FBXL7: variants seen among roughly 807,000 people sequenced by gnomAD.
FBXL7 encodes F-box/LRR-repeat protein 7.
FBXL7 carries 12 observed loss-of-function variants against 38.3 expected under a neutral mutation model. That is an observed-to-expected ratio of 0.31 (90% CI 0.20 to 0.51). The LOEUF (loss-of-function observed/expected upper bound fraction) is 0.51, where lower values mean the gene tolerates loss of function less well. FBXL7 is among the 20% of genes least tolerant of loss of function. The pLI is 0.98. For missense variants in FBXL7, 567 were observed against 676.4 expected, an observed-to-expected ratio of 0.84 and a Z score of 1.79; for synonymous variants, 297 against 300.9, an observed-to-expected ratio of 0.99 and a Z score of 0.13.
At chr5:15,787,605 G>C (rs554785753) in intron 2 of FBXL7, among the ~76,000 whole-genome samples, 1 of 152,312 alleles carries the variant, frequency 6.6e-6, no homozygotes, top group African/African-American at 2.4e-5. Context: ...CAGTCAAATA[G>C]AGAGGTACTC....
intron 1 of FBXL7, among the ~76,000 whole-genome samples, chr5:15,564,525 A>G (rs1256950525): frequency 6.6e-6 from 1 of 152,042 alleles, no homozygotes; most frequent in Non-Finnish European, 1.5e-5. Flanking sequence ...TTTTAAGTAG[A>G]TATACACGCC....
intron 2 of FBXL7, among the ~76,000 whole-genome samples, chr5:15,747,080 C>A (rs1736035779): frequency 6.6e-6 from 1 of 151,968 alleles, no homozygotes; most frequent in African/African-American, 2.4e-5. Flanking sequence ...GGAAAAGGGA[C>A]CCTGAGCCAC....
At chr5:15,539,369 G>T (rs1451484352) in intron 1 of FBXL7, among the ~76,000 whole-genome samples, 1 of 152,206 alleles carries the variant, frequency 6.6e-6, no homozygotes, top group Non-Finnish European at 1.5e-5. Flanking sequence ...GGTTGAGGAT[G>T]CTGGAAAATC....
At chr5:15,559,520 G>A (rs1738349563) in intron 1 of FBXL7, among the ~76,000 whole-genome samples, 2 of 152,220 alleles carry the variant, frequency 1.3e-5, no homozygotes, top group South Asian at 2.1e-4. Context: ...GACTTGCCCC[G>A]AGTATTATTC....
chr5:15,749,043 G>C (rs1736086303), intron 2 of FBXL7, among the ~76,000 whole-genome samples: 1 of 151,970 alleles, frequency 6.6e-6, no homozygotes, highest in Non-Finnish European at 1.5e-5. Context: ...TCAGGAGTTA[G>C]AGACCAGCCT....
intron 2 of FBXL7, among the ~76,000 whole-genome samples, chr5:15,630,853 A>AT (rs35242245): frequency 1.2e-3 from 181 of 149,568 alleles, no homozygotes; most frequent in African/African-American, 3.4e-3. Flanking sequence ...AAATTTTGAG[A>AT]TTTTTTTTTT....
At chr5:15,613,553 C>G (rs1561052034) in intron 1 of FBXL7, among the ~76,000 whole-genome samples, 1 of 152,102 alleles carries the variant, frequency 6.6e-6, no homozygotes, top group African/African-American at 2.4e-5. Flanking sequence ...TCCCAATGAG[C>G]AATGGGTGAT....
chr5:15,623,298 C>T (rs1446000644), intron 2 of FBXL7, among the ~76,000 whole-genome samples: 1 of 152,170 alleles, frequency 6.6e-6, no homozygotes, highest in East Asian at 1.9e-4. Context: ...AGCTGGTTAC[C>T]TAGGGTTGGA....
intron 1 of FBXL7, among the ~76,000 whole-genome samples, chr5:15,569,861 T>C (rs1343008250): frequency 2.0e-5 from 3 of 152,250 alleles, no homozygotes; most frequent in African/African-American, 7.2e-5. Context: ...ATGGTTTTTG[T>C]CGTTGGTTCT....
intron 2 of FBXL7, among the ~76,000 whole-genome samples, chr5:15,685,674 T>A (rs957504740): frequency 2.0e-5 from 3 of 152,216 alleles, no homozygotes; most frequent in Non-Finnish European, 4.4e-5. Context: ...TTACCATGTG[T>A]ATAACTTTAT....
chr5:15,677,870 C>T (rs1190514624), intron 2 of FBXL7, among the ~76,000 whole-genome samples: 4 of 152,056 alleles, frequency 2.6e-5, no homozygotes, highest in African/African-American at 9.7e-5. Flanking sequence ...CTGATTATTA[C>T]CCTAACCCCT....
intron 1 of FBXL7, among the ~76,000 whole-genome samples, chr5:15,514,750 G>A (rs1031361240): frequency 6.6e-5 from 10 of 152,092 alleles, no homozygotes; most frequent in East Asian, 1.9e-4. Context: ...CCCTGCCCCC[G>A]GCTGCACTGT....
chr5:15,753,175 T>A (rs966664535), intron 2 of FBXL7, among the ~76,000 whole-genome samples: 5 of 151,954 alleles, frequency 3.3e-5, no homozygotes, highest in Non-Finnish European at 5.9e-5. Flanking sequence ...TAGGACACAC[T>A]CTCTCTTTTT....
intron 2 of FBXL7, among the ~76,000 whole-genome samples, chr5:15,768,448 T>C (rs1344171190): frequency 6.6e-6 from 1 of 151,754 alleles, no homozygotes; most frequent in Non-Finnish European, 1.5e-5. Context: ...GGAGAATCGC[T>C]TGAATCTGAA....
intron 2 of FBXL7, among the ~76,000 whole-genome samples, chr5:15,922,700 T>C (rs1741775337): frequency 1.3e-5 from 2 of 152,194 alleles, no homozygotes; most frequent in Non-Finnish European, 2.9e-5. Flanking sequence ...GGCAGTGTTG[T>C]AGCATTCTTC....
At chr5:15,578,276 T>C (rs1739031552) in intron 1 of FBXL7, among the ~76,000 whole-genome samples, 1 of 152,012 alleles carries the variant, frequency 6.6e-6, no homozygotes, top group African/African-American at 2.4e-5. Context: ...TGTTTTGAAA[T>C]AACGAATGTA....
intron 2 of FBXL7, among the ~76,000 whole-genome samples, chr5:15,827,116 A>T (rs1485103986): frequency 1.3e-5 from 2 of 152,108 alleles, no homozygotes; most frequent in Non-Finnish European, 2.9e-5. Flanking sequence ...ACATCCTTAT[A>T]GCCCCTTAAT....
chr5:15,656,128 T>A (rs1159266068), intron 2 of FBXL7, among the ~76,000 whole-genome samples: 1 of 152,212 alleles, frequency 6.6e-6, no homozygotes, highest in Admixed American at 6.5e-5. Context: ...TAGCTCTTGG[T>A]TTGCAATAGA....
chr5:15,827,595 G>A (rs778903546), intron 2 of FBXL7, among the ~76,000 whole-genome samples: 2 of 152,156 alleles, frequency 1.3e-5, no homozygotes, highest in Non-Finnish European at 1.5e-5. Context: ...GCAGCAGAGT[G>A]AGAGAAAGAG....
Sources: allele counts gnomAD v4.1 joint callset (sites outside exome capture counted in the v4.1 genomes callset), GRCh38; gene constraint gnomAD v4.1.1; transcripts MANE v1.5; gene names NCBI Gene and HGNC (gene_info 2026-07-23, HGNC 2026-07-21).